CREB3L1: variants seen among roughly 807,000 people sequenced by gnomAD.
CREB3L1 encodes the protein cAMP responsive element binding protein 3 like 1.
CREB3L1 carries 33 observed loss-of-function variants against 54.5 expected under a neutral mutation model. The ratio of observed to expected loss-of-function variants is 0.61; its 90% CI spans 0.46 to 0.81. The LOEUF is 0.81. CREB3L1 is among the 30% of genes least tolerant of loss of function. The pLI is 0.00. For missense variants in CREB3L1, 656 were observed against 673.3 expected (o/e 0.97, Z 0.29); for synonymous variants, 284 against 286.4 (o/e 0.99, Z 0.08).
At chr11:46,283,272 C>T (rs773275411) in intron 1 of CREB3L1, among the ~76,000 whole-genome samples, 39 of 152,070 alleles carry the variant, frequency 2.6e-4, no homozygotes, top group African/African-American at 5.6e-4. Context: ...GTAGAATTAA[C>T]GAAAAACAGT....
At chr11:46,316,482 A>G (rs926270266) in intron 9 of CREB3L1, 97 bp downstream of exon 9, 14 of 797,812 alleles carry the variant, frequency 1.8e-5, no homozygotes, top group Non-Finnish European at 2.5e-5. Context: ...GATCGGTAAC[A>G]TCGTGGGCAG....
chr11:46,296,245 G>C (rs920964716), intron 1 of CREB3L1, among the ~76,000 whole-genome samples: 3 of 152,168 alleles, frequency 2.0e-5, no homozygotes, highest in African/African-American at 7.2e-5. Context: ...AAGGGGGCGT[G>C]CTGGAGCGGA....
chr11:46,310,111 G>A, intron 4 of CREB3L1, 44 bp downstream of exon 4: 1 of 1,401,528 alleles, frequency 7.1e-7, no homozygotes, highest in Non-Finnish European at 9.9e-7. Flanking sequence ...TCCAGTCATA[G>A]GCAGATAGCA....
At chr11:46,297,205 C>T (rs1376014945) in intron 1 of CREB3L1, among the ~76,000 whole-genome samples, 1 of 152,210 alleles carries the variant, frequency 6.6e-6, no homozygotes, top group Non-Finnish European at 1.5e-5. Flanking sequence ...GTAGCCAGCG[C>T]GGCCCTGGCT....
intron 10 of CREB3L1, 50 bp from the exon 11 acceptor site, chr11:46,320,214 G>A (rs1385437015): frequency 6.5e-7 from 1 of 1,527,592 alleles, no homozygotes; most frequent in South Asian, 1.3e-5. Context: ...ATGTGGCCAG[G>A]ATGTTGAGGG....
chr11:46,311,028 C>T lies in CREB3L1; in HGVS notation c.596-4C>T. On this transcript the variant is annotated splice_region_variant and splice_polypyrimidine_tract_variant and intron_variant, in intron 4 of 11. Transcript: ENST00000621158. ...GCTAACTCGGTTTCCCCTGCTCTCC[C>T]CAGAGGACCTGGTGCAGATGCCTCC... The T allele has an allele frequency of 6.3e-7, 1 of 1,591,220 alleles. No individual in the cohort carries two copies. The highest frequency in any genetic ancestry group is 8.6e-7 in the Non-Finnish European group (1 of 1,169,010).
chr11:46,303,954 T>C (rs1939337892), intron 2 of CREB3L1, among the ~76,000 whole-genome samples: 1 of 152,088 alleles, frequency 6.6e-6, no homozygotes. Flanking sequence ...TGCAGTGAGC[T>C]ATGATGGCAC....
intron 1 of CREB3L1, among the ~76,000 whole-genome samples, chr11:46,286,819 AAAGAAAGAAAG>A (rs142792155): frequency 0.02 from 3,098 of 152,222 alleles, 45 homozygotes; most frequent in Non-Finnish European, 0.03. Flanking sequence ...GAAAAAAGAA[AAAGAAAGAAAG>A]AAGAAAGAAA....
intron 3 of CREB3L1, 99 bp downstream of exon 3, chr11:46,308,099 A>G: frequency 8.8e-7 from 1 of 1,133,106 alleles, no homozygotes; most frequent in Non-Finnish European, 1.2e-6. Flanking sequence ...GGCTCTGTGA[A>G]CAGGAAGACA....
intron 2 of CREB3L1, among the ~76,000 whole-genome samples, chr11:46,306,775 C>CT (rs796296141): frequency 0.046 from 6,574 of 144,290 alleles, 483 homozygotes; most frequent in African/African-American, 0.15. Flanking sequence ...AACACTTACT[C>CT]TTTTTTTTTT....
At chr11:46,315,696 C>A (rs1590352227) in intron 8 of CREB3L1, 2 of 175,204 alleles carry the variant, frequency 1.1e-5, no homozygotes, top group Non-Finnish European at 2.5e-5. Context: ...GTGGCGCACG[C>A]CTGTAGTCTC....
intron 1 of CREB3L1, among the ~76,000 whole-genome samples, chr11:46,294,366 T>G (rs1026711179): frequency 3.3e-5 from 5 of 152,026 alleles, no homozygotes; most frequent in Non-Finnish European, 7.4e-5. Flanking sequence ...TTTCACACCA[T>G]CCAGTCCCCA....
rs775627551 is a variant in CREB3L1 at position 46,299,929 on chromosome 11, C to T, written c.103-6C>T. The T allele has an allele frequency of 1.9e-6, 3 of 1,609,966 alleles. No individual in the cohort carries two copies. In the East Asian group the frequency reaches 6.7e-5, roughly 36 times the overall value. On this transcript the variant is annotated splice_polypyrimidine_tract_variant and splice_region_variant and intron_variant, in intron 1 of 11. Coordinates refer to ENST00000621158, the MANE Select transcript of CREB3L1 (RefSeq NM_052854.4). The stretch of plus-strand genomic sequence containing the variant: ...TCCCTCTTCCCCTCACCTCTTCCTT[C>T]CCTAGCACTTTCCTGAGCACCTGGA...
At chr11:46,312,182 CA>C (rs1465993345) in intron 5 of CREB3L1, 142 bp from the exon 6 acceptor site, 3 of 694,912 alleles carry the variant, frequency 4.3e-6, no homozygotes, top group African/African-American at 3.6e-5. Flanking sequence ...GAATTTCACC[CA>C]GATCCACTCC....
At chr11:46,281,787 G>A (rs1212816228) in intron 1 of CREB3L1, among the ~76,000 whole-genome samples, 1 of 152,200 alleles carries the variant, frequency 6.6e-6, no homozygotes, top group East Asian at 1.9e-4. Context: ...CTGTGGGTGG[G>A]CCTTTAACAG....
intron 2 of CREB3L1, among the ~76,000 whole-genome samples, chr11:46,307,025 C>A (rs369242000): frequency 1.3e-5 from 2 of 152,110 alleles, no homozygotes; most frequent in South Asian, 4.2e-4. Flanking sequence ...CTAACAGGCA[C>A]GTGCCGCCAC....
intron 1 of CREB3L1, among the ~76,000 whole-genome samples, chr11:46,283,541 C>T (rs1200440335): frequency 6.6e-6 from 1 of 152,076 alleles, no homozygotes; most frequent in Non-Finnish European, 1.5e-5. Flanking sequence ...GAGAAAATTA[C>T]TTTAGACTGG....
Position 46,320,426 on chromosome 11 carries a change from G to A in CREB3L1, c.1421G>A (p.Ser474Asn). Residue 474 changes from serine (S) to asparagine (N), a missense_variant, in exon 11 of 12, where the codon AGC becomes AAC. Ser to Asn is a conservative substitution (Grantham distance 46). Transcript: ENST00000621158. ...CACCTGCAGCATGATCACCTGGACA[G>A]CACCCACGAGACCACCAAGTACCTG... ...RDHLQHDHLD[S>N]THETTKYLSE... The A allele has an allele frequency of 6.2e-7, 1 of 1,610,962 alleles. No individual in the cohort carries two copies. Among genetic ancestry groups the A allele is most frequent in the Non-Finnish European group, 8.5e-7 (1 of 1,178,688 alleles).
rs903413374 is a variant in CREB3L1 at position 46,280,500 on chromosome 11, T to C, written c.102+2287T>C. Among the ~76,000 whole-genome samples, 11 of 152,156 alleles carry C rather than the reference T, an allele frequency of 7.2e-5. 1 individual carries two copies. Among genetic ancestry groups the C allele is most frequent in the Admixed American group, 2.6e-4 (4 of 15,270 alleles). ...CCACTGCGCCCGGCCAAAAGTGACTTTTCTTCTTCTGGGCTTTGACTTCCT... is the reference window on the plus strand; with the variant it reads ...CCACTGCGCCCGGCCAAAAGTGACTCTTCTTCTTCTGGGCTTTGACTTCCT... On this transcript the variant is annotated intron_variant, in intron 1 of 11. Transcript: ENST00000621158.
Sources: allele counts gnomAD v4.1 joint callset (sites outside exome capture counted in the v4.1 genomes callset), GRCh38; gene constraint gnomAD v4.1.1; transcripts MANE v1.5; gene names NCBI Gene and HGNC (gene_info 2026-07-23, HGNC 2026-07-21).